Variants in C8orf34 observed in about 807,000 individuals in gnomAD.
The protein encoded by C8orf34 is uncharacterized protein C8orf34.
In C8orf34, 65 loss-of-function variants were observed where a neutral mutation model predicts 68.3. That is an observed-to-expected ratio of 0.95 (90% CI 0.78 to 1.17). The LOEUF (loss-of-function observed/expected upper bound fraction) is 1.17. C8orf34 is among the 50% of genes most tolerant of loss of function. The pLI is 0.00. For synonymous variants in C8orf34, 244 were observed against 241.2 expected (o/e 1.01, Z -0.11); for missense variants, 664 against 655.4 (o/e 1.01, Z -0.14).
intron 8 of C8orf34, among the ~76,000 whole-genome samples, chr8:68,699,629 C>T (rs1282699685): frequency 1.3e-5 from 2 of 152,112 alleles, no homozygotes; most frequent in Non-Finnish European, 2.9e-5. Context: ...TTCATCTTCT[C>T]TACCTTATTT....
chr8:68,733,692 A>G (rs1305350384), intron 10 of C8orf34, among the ~76,000 whole-genome samples: 1 of 152,170 alleles, frequency 6.6e-6, no homozygotes, highest in Non-Finnish European at 1.5e-5. Context: ...GCTTATACAG[A>G]AAGTATTTCA....
At chr8:68,717,216 C>T (rs1821499820) in intron 9 of C8orf34, among the ~76,000 whole-genome samples, 1 of 151,928 alleles carries the variant, frequency 6.6e-6, no homozygotes, top group African/African-American at 2.4e-5. Context: ...TATAAAGCTC[C>T]AAAAAGCAAA....
intron 7 of C8orf34, among the ~76,000 whole-genome samples, chr8:68,613,443 T>A (rs1426823147): frequency 1.5e-5 from 2 of 130,224 alleles, no homozygotes; most frequent in East Asian, 4.8e-4. Flanking sequence ...TCCCTCCCCC[T>A]CCCCCCACAC....
intron 9 of C8orf34, among the ~76,000 whole-genome samples, chr8:68,717,484 C>A (rs1821508838): frequency 7.3e-6 from 1 of 136,268 alleles, no homozygotes; most frequent in Non-Finnish European, 1.5e-5. Context: ...CAGAGCGAGA[C>A]TCTGTCTCAA....
intron 8 of C8orf34, among the ~76,000 whole-genome samples, chr8:68,679,158 G>A (rs554169743): frequency 1.1e-4 from 16 of 152,016 alleles, no homozygotes; most frequent in East Asian, 9.7e-4. Flanking sequence ...ATGGTGGCAC[G>A]CACCTATAGT....
intron 10 of C8orf34, among the ~76,000 whole-genome samples, chr8:68,757,349 G>C (rs1822892336): frequency 6.6e-6 from 1 of 152,098 alleles, no homozygotes; most frequent in Non-Finnish European, 1.5e-5. Context: ...AAAAATGTTA[G>C]CCGGGCGCAG....
chr8:68,404,115 T>C (rs1277434367), intron 1 of C8orf34, among the ~76,000 whole-genome samples: 2 of 152,260 alleles, frequency 1.3e-5, no homozygotes, highest in African/African-American at 4.8e-5. Context: ...TTTGCATTTC[T>C]CTAATGACCA....
intron 7 of C8orf34, among the ~76,000 whole-genome samples, chr8:68,595,681 T>G (rs928571618): frequency 6.6e-6 from 1 of 152,118 alleles, no homozygotes; most frequent in African/African-American, 2.4e-5. Flanking sequence ...CATTTTTTAT[T>G]CTTTTCTCTT....
chr8:68,805,637 T>C (rs559830715), intron 12 of C8orf34, among the ~76,000 whole-genome samples: 1 of 152,288 alleles, frequency 6.6e-6, no homozygotes, highest in Middle Eastern at 3.4e-3. Flanking sequence ...TTCTATGACA[T>C]TGGTACCCCA....
intron 4 of C8orf34, among the ~76,000 whole-genome samples, chr8:68,474,908 G>A (rs117994214): frequency 6.1e-4 from 93 of 152,268 alleles, no homozygotes; most frequent in East Asian, 1.5e-3. Flanking sequence ...CTATTGATTC[G>A]CTTCTCCATT....
chr8:68,361,128 G>A (rs754058380), intron 1 of C8orf34, among the ~76,000 whole-genome samples: 22 of 152,126 alleles, frequency 1.4e-4, no homozygotes, highest in Admixed American at 9.8e-4. Context: ...TGCAGGCAGA[G>A]GGTTAATTGT....
At chr8:68,475,051 A>C (rs143697291) in intron 4 of C8orf34, among the ~76,000 whole-genome samples, 1 of 152,152 alleles carries the variant, frequency 6.6e-6, no homozygotes, top group Non-Finnish European at 1.5e-5. Flanking sequence ...TTGGGTCTCC[A>C]GTACCATTGC....
intron 10 of C8orf34, among the ~76,000 whole-genome samples, chr8:68,738,716 C>G (rs901600980): frequency 6.6e-6 from 1 of 151,968 alleles, no homozygotes; most frequent in Non-Finnish European, 1.5e-5. Context: ...ATACATACAT[C>G]CTCCCAAGAA....
At chr8:68,768,288 C>T (rs1280979517) in intron 10 of C8orf34, among the ~76,000 whole-genome samples, 1 of 152,098 alleles carries the variant, frequency 6.6e-6, no homozygotes, top group East Asian at 1.9e-4. Flanking sequence ...TATTTCCTGC[C>T]CTACACATGG....
In C8orf34 at chr8:68,331,241, G is replaced by A. The variant is rs1805571379; in HGVS notation, c.229G>A (p.Ala77Thr). 1 of 1,536,176 alleles carries A rather than the reference G, an allele frequency of 6.5e-7. No homozygotes were observed. Among genetic ancestry groups the A allele is most frequent in the African/African-American group, 1.4e-5 (1 of 73,046 alleles). The change falls in exon 1 of 14, where the codon GCA (alanine) becomes ACA (threonine). Residue 77 changes from alanine to threonine, a missense_variant. By Grantham distance (58) the Ala-to-Thr change is moderately conservative (BLOSUM62 0). Transcript: ENST00000518698. ...SGGAQPRVLP[A>T]LSSRSHLFPM... ...AGGCGCACAGCCGCGCGTTCTCCCTGCACTCTCTTCGCGGTCCCATCTGTT... is the reference window on the plus strand; with the variant it reads ...AGGCGCACAGCCGCGCGTTCTCCCTACACTCTCTTCGCGGTCCCATCTGTT...
chr8:68,808,534 C>G (rs778432951), intron 12 of C8orf34, among the ~76,000 whole-genome samples: 2 of 150,422 alleles, frequency 1.3e-5, no homozygotes, highest in African/African-American at 4.9e-5. Context: ...GCAGATTCAA[C>G]CAACCGTAGA....
At chr8:68,693,120 T>C (rs1170986249) in intron 8 of C8orf34, among the ~76,000 whole-genome samples, 2 of 152,108 alleles carry the variant, frequency 1.3e-5, no homozygotes, top group African/African-American at 2.4e-5. Flanking sequence ...TTATGAATTG[T>C]CCTTCCTAAA....
chr8:68,571,174 T>C (rs928838424), intron 7 of C8orf34, among the ~76,000 whole-genome samples: 1 of 152,154 alleles, frequency 6.6e-6, no homozygotes, highest in African/African-American at 2.4e-5. Flanking sequence ...AAGAAAGCCA[T>C]GCCAGTGAGC....
chr8:68,339,487 C>A (rs1805984095), intron 1 of C8orf34, among the ~76,000 whole-genome samples: 1 of 122,374 alleles, frequency 8.2e-6, no homozygotes, highest in South Asian at 2.7e-4. Flanking sequence ...TATAAAAACT[C>A]TTAAAAAAAA....
Sources: gnomAD v4.1 joint callset for allele counts (sites outside exome capture counted in the v4.1 genomes callset) on GRCh38, gnomAD v4.1.1 for gene constraint, MANE v1.5 for transcripts, NCBI Gene and HGNC (gene_info 2026-07-23, HGNC 2026-07-21) for gene names.